ARHGAP10: variants seen among roughly 807,000 people sequenced by gnomAD.
ARHGAP10 encodes rho GTPase-activating protein 10.
A neutral mutation model predicts 108.6 loss-of-function variants in ARHGAP10; 87 were observed. The observed-to-expected ratio is 0.80, with a 90% CI of 0.67 to 0.96. The LOEUF (loss-of-function observed/expected upper bound fraction) is 0.96. Ranked by LOEUF, ARHGAP10 falls within the 40% of genes least tolerant of loss-of-function variation. The probability of loss-of-function intolerance (pLI) is 0.00; values close to 1 mark genes in which losing one functional copy is unlikely to be tolerated. For synonymous variants in ARHGAP10, 347 were observed against 341.1 expected, an observed-to-expected ratio of 1.02 and a Z score of -0.19; for missense variants, 939 against 954.5, an observed-to-expected ratio of 0.98 and a Z score of 0.21.
At chr4:147,807,923 G>A (rs1383638336) in intron 1 of ARHGAP10, among the ~76,000 whole-genome samples, 2 of 152,238 alleles carry the variant, frequency 1.3e-5, no homozygotes, top group Non-Finnish European at 1.5e-5. Context: ...TTGTATGGGT[G>A]TATAGGGGAA....
intron 20 of ARHGAP10, among the ~76,000 whole-genome samples, chr4:148,061,371 A>C (rs1030409546): frequency 2.6e-5 from 4 of 152,138 alleles, no homozygotes; most frequent in Non-Finnish European, 5.9e-5. Context: ...TTGTTTGGCT[A>C]ACTGTGGCCT....
chr4:147,747,908 A>G (rs1422085031), intron 1 of ARHGAP10, among the ~76,000 whole-genome samples: 8 of 152,264 alleles, frequency 5.3e-5, no homozygotes, highest in Non-Finnish European at 1.0e-4. Context: ...GTGGTTCTCA[A>G]ATGGGTGATT....
At chr4:147,752,296 T>G (rs1729186333) in intron 1 of ARHGAP10, among the ~76,000 whole-genome samples, 1 of 152,182 alleles carries the variant, frequency 6.6e-6, no homozygotes, top group South Asian at 2.1e-4. Context: ...TCTGCAAAGC[T>G]TACTTTCGGG....
intron 20 of ARHGAP10, among the ~76,000 whole-genome samples, chr4:148,048,309 G>T (rs907642396): frequency 6.6e-6 from 1 of 152,196 alleles, no homozygotes; most frequent in South Asian, 2.1e-4. Context: ...AACTTATTAA[G>T]TATTAAGAGA....
intron 1 of ARHGAP10, among the ~76,000 whole-genome samples, chr4:147,766,490 C>T (rs1222094629): frequency 6.6e-6 from 1 of 151,392 alleles, no homozygotes; most frequent in Non-Finnish European, 1.5e-5. Flanking sequence ...GTTTTGATTG[C>T]AGTCAGTTGA....
At chr4:147,828,963 C>G (rs1334990597) in intron 3 of ARHGAP10, among the ~76,000 whole-genome samples, 1 of 150,750 alleles carries the variant, frequency 6.6e-6, no homozygotes, top group Non-Finnish European at 1.5e-5. Context: ...GCTGCAACTT[C>G]TGGCTCCCAG....
intron 7 of ARHGAP10, 97 bp downstream of exon 7, chr4:147,866,913 G>A (rs1483452579): frequency 2.8e-6 from 3 of 1,060,394 alleles, no homozygotes; most frequent in Admixed American, 4.4e-5. Context: ...AGACAATGCT[G>A]ATCTGTTTGT....
At chr4:147,969,147 A>G (rs1305367524) in intron 18 of ARHGAP10, among the ~76,000 whole-genome samples, 2 of 152,190 alleles carry the variant, frequency 1.3e-5, no homozygotes, top group African/African-American at 2.4e-5. Context: ...CCTTTGGGGA[A>G]GGCATAGCAA....
intron 18 of ARHGAP10, among the ~76,000 whole-genome samples, chr4:148,018,097 A>G (rs1310908489): frequency 6.6e-6 from 1 of 152,108 alleles, no homozygotes; most frequent in Non-Finnish European, 1.5e-5. Flanking sequence ...GTTTTTTGTC[A>G]TTGGATTGTC....
chr4:147,850,219 C>G (rs1045556591), intron 4 of ARHGAP10, among the ~76,000 whole-genome samples: 3 of 152,166 alleles, frequency 2.0e-5, no homozygotes, highest in Non-Finnish European at 4.4e-5. Flanking sequence ...CCAATCAGCA[C>G]TCTGTAAAAT....
intron 1 of ARHGAP10, among the ~76,000 whole-genome samples, chr4:147,734,135 C>T (rs1176754691): frequency 2.6e-5 from 4 of 151,958 alleles, no homozygotes; most frequent in African/African-American, 9.7e-5. Context: ...AGTCAGTGGC[C>T]GGGAGAATGT....
chr4:147,872,754 G>T (rs1734885656), intron 7 of ARHGAP10, among the ~76,000 whole-genome samples: 1 of 152,226 alleles, frequency 6.6e-6, no homozygotes, highest in Non-Finnish European at 1.5e-5. Context: ...TTAAGTGGAA[G>T]TGGATCATCA....
intron 10 of ARHGAP10, among the ~76,000 whole-genome samples, chr4:147,899,869 G>T (rs950715188): frequency 8.5e-6 from 1 of 118,190 alleles, no homozygotes; most frequent in Non-Finnish European, 1.8e-5. Flanking sequence ...AACTTGTTAC[G>T]TGCTGGGTTT....
At chr4:148,045,876 A>G (rs987846390) in intron 19 of ARHGAP10, among the ~76,000 whole-genome samples, 1 of 152,004 alleles carries the variant, frequency 6.6e-6, no homozygotes, top group African/African-American at 2.4e-5. Context: ...TTAATCAGCT[A>G]CAAGCTGTTG....
chr4:147,967,533 G>A lies in ARHGAP10; in HGVS notation c.1716+694G>A, dbSNP rs189569732. Among the ~76,000 whole-genome samples the A allele has an allele frequency of 3.8e-3, 585 of 152,288 alleles. 4 individuals are homozygous for A. Among genetic ancestry groups the A allele is most frequent in the African/African-American group, 0.013 (558 of 41,562 alleles). ...ATCCATGTTGGGGTGAGCAGAAACTGCTTTAATATACTCTTCCCTCCCACC... is the reference window on the plus strand; with the variant it reads ...ATCCATGTTGGGGTGAGCAGAAACTACTTTAATATACTCTTCCCTCCCACC... On this transcript the variant is annotated intron_variant, in intron 18 of 22. Transcript: ENST00000336498.
chr4:147,872,879 C>T (rs1190515989), intron 7 of ARHGAP10, among the ~76,000 whole-genome samples: 1 of 152,168 alleles, frequency 6.6e-6, no homozygotes, highest in Non-Finnish European at 1.5e-5. Context: ...AAAGTTCAAG[C>T]CTGTGTTAAG....
At chr4:147,882,790 A>G (rs1191339942) in intron 10 of ARHGAP10, among the ~76,000 whole-genome samples, 2 of 152,182 alleles carry the variant, frequency 1.3e-5, no homozygotes, top group Non-Finnish European at 2.9e-5. Context: ...GTTCATCAGT[A>G]TTACTACTTG....
chr4:147,932,747 A>G (rs1447059628), intron 13 of ARHGAP10, among the ~76,000 whole-genome samples: 1 of 152,168 alleles, frequency 6.6e-6, no homozygotes, highest in Admixed American at 6.5e-5. Flanking sequence ...GCAAACCACT[A>G]TGGCACACGT....
chr4:147,825,715 A>G (rs190397823), intron 3 of ARHGAP10, among the ~76,000 whole-genome samples: 1 of 152,340 alleles, frequency 6.6e-6, no homozygotes, highest in East Asian at 1.9e-4. Flanking sequence ...CCTTTCTAGT[A>G]CATGGAGCCG....
Sources: gnomAD v4.1 joint callset for allele counts (sites outside exome capture counted in the v4.1 genomes callset) on GRCh38, gnomAD v4.1.1 for gene constraint, MANE v1.5 for transcripts, NCBI Gene and HGNC (gene_info 2026-07-23, HGNC 2026-07-21) for gene names.